Variants in FHIT observed in about 807,000 individuals in gnomAD.
FHIT encodes fragile histidine triad diadenosine triphosphatase.
FHIT carries 19 observed loss-of-function variants against 17.9 expected under a neutral mutation model. That is an observed-to-expected ratio of 1.06 (90% CI 0.74 to 1.56). The LOEUF (loss-of-function observed/expected upper bound fraction) is 1.56, where lower values mean the gene tolerates loss of function less well. FHIT is among the 40% of genes most tolerant of loss of function. The probability of loss-of-function intolerance (pLI) is 0.00; values close to 1 mark genes in which losing one functional copy is unlikely to be tolerated. For synonymous variants in FHIT, 81 were observed against 69.7 expected (o/e 1.16, Z -0.81); for missense variants, 248 against 189.2 (o/e 1.31, Z -1.82).
chr3:59,945,326 T>C (rs1282646214), intron 7 of FHIT, among the ~76,000 whole-genome samples: 1 of 152,250 alleles, frequency 6.6e-6, no homozygotes, highest in African/African-American at 2.4e-5. Flanking sequence ...TGTCTTCTTT[T>C]GAGAAGTATC....
intron 4 of FHIT, among the ~76,000 whole-genome samples, chr3:60,590,453 G>C (rs1553663816): frequency 6.6e-6 from 1 of 152,040 alleles, no homozygotes; most frequent in Non-Finnish European, 1.5e-5. Flanking sequence ...TGTTATTGAT[G>C]TATTGTTTAT....
At chr3:60,789,187 G>T (rs1024702059) in intron 4 of FHIT, among the ~76,000 whole-genome samples, 9 of 151,144 alleles carry the variant, frequency 6.0e-5, no homozygotes, top group Non-Finnish European at 1.3e-4. Context: ...GAGAGAGAGA[G>T]AGAGAGAGAG....
rs139494274 is a variant in FHIT, at chr3:60,854,630, C to G, written c.-110-32619G>C. Reference sequence around the variant, plus strand: ...ATTGTCATAGACGGCTGCTGGATCTCCAAGTTTGACACATTCTCCCTAGGC... The same window carrying G: ...ATTGTCATAGACGGCTGCTGGATCTGCAAGTTTGACACATTCTCCCTAGGC... On this transcript the variant is annotated intron_variant, in intron 3 of 9. Coordinates refer to ENST00000492590, the MANE Select transcript of FHIT (RefSeq NM_002012.4). Among the ~76,000 whole-genome samples, 811 of 149,576 alleles carry G rather than the reference C, an allele frequency of 5.4e-3. 9 individuals are homozygous for G. The highest frequency in any genetic ancestry group is 0.019 in the African/African-American group (772 of 40,460).
chr3:60,766,076 T>C (rs1699843504), intron 4 of FHIT, among the ~76,000 whole-genome samples: 1 of 152,166 alleles, frequency 6.6e-6, no homozygotes, highest in Admixed American at 6.5e-5. Context: ...AGACAGCCTA[T>C]CCTGGGACTT....
At chr3:60,259,196 T>C (rs541310686) in intron 5 of FHIT, among the ~76,000 whole-genome samples, 2 of 152,114 alleles carry the variant, frequency 1.3e-5, no homozygotes, top group Admixed American at 6.5e-5. Context: ...GGTAGAGAAA[T>C]AGAAGAAGTG....
intron 4 of FHIT, among the ~76,000 whole-genome samples, chr3:60,538,940 T>C (rs1268138245): frequency 1.3e-5 from 2 of 151,786 alleles, no homozygotes; most frequent in Non-Finnish European, 2.9e-5. Context: ...AATTGACAAA[T>C]GGGTTCTAAT....
chr3:61,008,356 A>T (rs2031580713), intron 3 of FHIT, among the ~76,000 whole-genome samples: 1 of 152,192 alleles, frequency 6.6e-6, no homozygotes, highest in African/African-American at 2.4e-5. Flanking sequence ...GAAGTCACTA[A>T]CTGATTCCTG....
chr3:59,837,917 GCCTTTGTAA>G (rs1479996522), intron 8 of FHIT, among the ~76,000 whole-genome samples: 1 of 152,124 alleles, frequency 6.6e-6, no homozygotes, highest in Non-Finnish European at 1.5e-5. Context: ...AAGTCAGACA[GCCTTTGTAA>G]AGAGCCTAGA....
intron 4 of FHIT, among the ~76,000 whole-genome samples, chr3:60,633,058 G>T (rs923234149): frequency 2.6e-5 from 4 of 152,230 alleles, no homozygotes; most frequent in African/African-American, 9.6e-5. Flanking sequence ...ACTTCTTGGG[G>T]TGTTAGTTTC....
At chr3:60,382,966 A>T (rs1700867653) in intron 5 of FHIT, among the ~76,000 whole-genome samples, 1 of 152,190 alleles carries the variant, frequency 6.6e-6, no homozygotes. Context: ...AGCTTGTCAA[A>T]TCAAATTCAG....
intron 5 of FHIT, among the ~76,000 whole-genome samples, chr3:60,468,649 G>C (rs2032925379): frequency 6.6e-6 from 1 of 152,002 alleles, no homozygotes; most frequent in Admixed American, 6.6e-5. Context: ...GTCTTGAAAA[G>C]TTGTGGTTAT....
At chr3:60,455,435 C>G (rs1190213625) in intron 5 of FHIT, among the ~76,000 whole-genome samples, 1 of 152,102 alleles carries the variant, frequency 6.6e-6, no homozygotes, top group Admixed American at 6.5e-5. Context: ...AAGCAACTTG[C>G]CTACATGCAC....
At chr3:61,184,661 A>G (rs895258595) in intron 2 of FHIT, among the ~76,000 whole-genome samples, 1 of 152,132 alleles carries the variant, frequency 6.6e-6, no homozygotes, top group Non-Finnish European at 1.5e-5. Context: ...GCTAGCTCAC[A>G]TCTATTGTGA....
rs566924318 is a variant in FHIT, at chr3:60,479,666, G to T, written c.103+57194C>A. On this transcript the variant is annotated intron_variant, in intron 5 of 9. Coordinates refer to ENST00000492590, the MANE Select transcript of FHIT (RefSeq NM_002012.4). The stretch of plus-strand genomic sequence containing the variant: ...TTAGTACAGTGGGAGGTGAGCAGTG[G>T]GTGAGTGAGCATTACTGCCTGAGCT... Among the ~76,000 whole-genome samples the T allele has an allele frequency of 2.0e-5, 3 of 152,274 alleles. No homozygotes were observed. In the South Asian group the frequency reaches 6.2e-4, roughly 32 times the overall value.
chr3:61,251,090 G>A (rs1245520990), intron 1 of FHIT, among the ~76,000 whole-genome samples: 1 of 152,198 alleles, frequency 6.6e-6, no homozygotes, highest in Admixed American at 6.5e-5. Flanking sequence ...GGAGGAACGG[G>A]TTAGGGCTAG....
At chr3:60,437,562 T>G (rs951298921) in intron 5 of FHIT, among the ~76,000 whole-genome samples, 1 of 152,124 alleles carries the variant, frequency 6.6e-6, no homozygotes, top group Admixed American at 6.6e-5. Flanking sequence ...ATTACATGCA[T>G]CATCTCATTC....
At chr3:59,766,491 C>CTTAA (rs1701803707) in intron 8 of FHIT, among the ~76,000 whole-genome samples, 1 of 152,136 alleles carries the variant, frequency 6.6e-6, no homozygotes, top group African/African-American at 2.4e-5. Flanking sequence ...GGTTGCTGTT[C>CTTAA]TTAATTAAAA....
chr3:60,821,555 T>C (rs1701930458), intron 4 of FHIT, among the ~76,000 whole-genome samples: 1 of 152,156 alleles, frequency 6.6e-6, no homozygotes, highest in African/African-American at 2.4e-5. Flanking sequence ...TAACCTTACT[T>C]TTTACACGTA....
At chr3:59,766,300 C>T (rs571354149) in intron 8 of FHIT, among the ~76,000 whole-genome samples, 200 of 152,262 alleles carry the variant, frequency 1.3e-3, no homozygotes, top group African/African-American at 4.3e-3. Flanking sequence ...ATCGGATGAC[C>T]GCAGTTTTCC....
Sources: gnomAD v4.1 joint callset for allele counts (sites outside exome capture counted in the v4.1 genomes callset) on GRCh38, gnomAD v4.1.1 for gene constraint, MANE v1.5 for transcripts, NCBI Gene and HGNC (gene_info 2026-07-23, HGNC 2026-07-21) for gene names.